SSH2: variants seen among roughly 807,000 people sequenced by gnomAD.
The protein encoded by SSH2 is slingshot protein phosphatase 2, also known as protein phosphatase Slingshot homolog 2.
In SSH2, 37 loss-of-function variants were observed where a neutral mutation model predicts 135.2. That is an observed-to-expected ratio of 0.27 (90% CI 0.21 to 0.36). The LOEUF (loss-of-function observed/expected upper bound fraction) is 0.36, where lower values mean the gene tolerates loss of function less well. SSH2 is among the 10% of genes least tolerant of loss of function. The pLI is 1.00. For missense variants in SSH2, 1,408 were observed against 1,765.3 expected, an observed-to-expected ratio of 0.80 and a Z score of 3.63; for synonymous variants, 628 against 646.2, an observed-to-expected ratio of 0.97 and a Z score of 0.43.
At position 29,630,055 on chromosome 17, in the gene SSH2, T is replaced by G. The variant is rs759877134; in HGVS notation, c.*786A>C. On this transcript the variant is annotated 3_prime_UTR_variant, in exon 16 of 16. Coordinates refer to ENST00000540801, the MANE Select transcript of SSH2 (RefSeq NM_001282129.2). The stretch of plus-strand genomic sequence containing the variant: ...GGCAGGGAGAGCCAAGATGCCCATC[T>G]GTGTGGATCCCACCAACCCAGCAGT... The G allele has an allele frequency of 6.6e-6, 1 of 152,442 alleles. No individual in the cohort carries two copies. Among genetic ancestry groups the G allele is most frequent in the Non-Finnish European group, 1.5e-5 (1 of 68,050 alleles). The allele number at this position is 152,442 out of a possible 1,614,324, so 9.4% of individuals were successfully genotyped here. A position where few individuals can be genotyped will look rare whatever the true frequency, so the allele number is the denominator to read the frequency against.
At position 29,690,401 on chromosome 17, in the gene SSH2, T is replaced by C. The variant is rs1298515955; in HGVS notation, c.357+5058A>G. On this transcript the variant is annotated intron_variant, in intron 5 of 15. Transcript: ENST00000540801. ...GCCTGGGCAAAAGAGTGAAACTCTG[T>C]CTCAAAAAAAAAAAAAAAAAGACTT... 2.8e-5 allele frequency among the ~76,000 whole-genome samples: 4 copies of C among 141,008 alleles called. No individual in the cohort carries two copies. The East Asian group carries it at 6.0e-4, about 21-fold the overall frequency. The allele number at this position is 141,008 out of a possible 152,430, so 92.5% of individuals were successfully genotyped here.
chr17:29,729,654 A>G (rs2040114660), intron 3 of SSH2, among the ~76,000 whole-genome samples: 1 of 152,242 alleles, frequency 6.6e-6, no homozygotes, highest in South Asian at 2.1e-4. Flanking sequence ...CAACAGGTGA[A>G]TGGATAAAGA....
In SSH2 at chr17:29,631,106, C is replaced by T. The variant is rs2035645525; in HGVS notation, c.4088G>A (p.Ser1363Asn). ...CACAAGGGGCCTCTCCACTGGCTTG[C>T]TCTGCACAATACACTCTGTTGTTGT... ...QLTTTECIVQ[S>N]KPVERPLVQY... Residue 1363 changes from serine to asparagine, a missense_variant, in exon 16 of 16, where the codon AGC (serine) becomes AAC (asparagine). By Grantham distance (46) the Ser-to-Asn change is conservative. Transcript: ENST00000540801. 2 of 1,614,244 alleles carry T rather than the reference C, an allele frequency of 1.2e-6. No individual in the cohort carries two copies. The highest frequency in any genetic ancestry group is 2.7e-5 in the African/African-American group (2 of 75,056).
chr17:29,879,299 A>T (rs1202033449), intron 1 of SSH2, among the ~76,000 whole-genome samples: 1 of 152,036 alleles, frequency 6.6e-6, no homozygotes, highest in African/African-American at 2.4e-5. Flanking sequence ...GAGAGGTAGA[A>T]TCAGTATTCA....
chr17:29,837,516 A>G (rs2042962151), intron 2 of SSH2, among the ~76,000 whole-genome samples: 2 of 152,124 alleles, frequency 1.3e-5, no homozygotes, highest in South Asian at 4.2e-4. Context: ...AGGAGCAGCT[A>G]TGGGAGCAGC....
At chr17:29,908,245 A>G (rs1320390271) in intron 1 of SSH2, among the ~76,000 whole-genome samples, 1 of 152,062 alleles carries the variant, frequency 6.6e-6, no homozygotes, top group Admixed American at 6.5e-5. Flanking sequence ...TGAGTCCAAG[A>G]GTTCAAGACC....
At chr17:29,894,902 C>T (rs2066416440) in intron 1 of SSH2, among the ~76,000 whole-genome samples, 1 of 149,620 alleles carries the variant, frequency 6.7e-6, no homozygotes, top group African/African-American at 2.5e-5. Flanking sequence ...TTCAGATGTG[C>T]AAATCTGATC....
chr17:29,695,560 C>T, intron 4 of SSH2, 37 bp from the exon 5 acceptor site: 2 of 1,572,300 alleles, frequency 1.3e-6, no homozygotes, highest in Middle Eastern at 1.7e-4. Flanking sequence ...AATTATTCTC[C>T]ATTCTAATGT....
intron 1 of SSH2, among the ~76,000 whole-genome samples, chr17:29,898,487 G>A (rs1013085379): frequency 3.1e-3 from 474 of 152,250 alleles, no homozygotes; most frequent in Non-Finnish European, 5.8e-3. Context: ...TACCATCAGA[G>A]AATACTATAA....
At chr17:29,807,887 GAA>G (rs1312271496) in intron 2 of SSH2, among the ~76,000 whole-genome samples, 1 of 136,174 alleles carries the variant, frequency 7.3e-6, no homozygotes, top group Non-Finnish European at 1.5e-5. Context: ...AGCCAATCGA[GAA>G]AAGTTAGGTA....
At chr17:29,712,903 TAGTTAGC>T (rs538922638) in intron 3 of SSH2, among the ~76,000 whole-genome samples, 11 of 152,210 alleles carry the variant, frequency 7.2e-5, no homozygotes, top group Admixed American at 3.9e-4. Flanking sequence ...ATCACATAGC[TAGTTAGC>T]AGTAGGGCTG....
chr17:29,669,834 C>T (rs887797849), intron 9 of SSH2, among the ~76,000 whole-genome samples: 5 of 151,596 alleles, frequency 3.3e-5, no homozygotes, highest in African/African-American at 1.2e-4. Context: ...ATCTTTCTTC[C>T]TCTCTTCTTG....
chr17:29,767,463 C>T (rs2041474035), intron 3 of SSH2, among the ~76,000 whole-genome samples: 1 of 149,728 alleles, frequency 6.7e-6, no homozygotes, highest in Admixed American at 6.7e-5. Flanking sequence ...ATGCTGAATG[C>T]TTAAATCTTT....
chr17:29,915,156 A>C (rs1030935905), intron 1 of SSH2, among the ~76,000 whole-genome samples: 11 of 152,182 alleles, frequency 7.2e-5, no homozygotes, highest in African/African-American at 2.2e-4. Flanking sequence ...GGTTGTTTCT[A>C]TTTTTTGATA....
chr17:29,789,336 A>G (rs1392187382), intron 3 of SSH2, among the ~76,000 whole-genome samples: 1 of 152,246 alleles, frequency 6.6e-6, no homozygotes, highest in African/African-American at 2.4e-5. Context: ...GACTGACCAT[A>G]TAAGGAGGGT....
At chr17:29,779,809 T>TAAAAAAAAAAAAAAA (rs1567969193) in intron 3 of SSH2, among the ~76,000 whole-genome samples, 1 of 10,764 alleles carries the variant, frequency 9.3e-5, no homozygotes, top group African/African-American at 3.7e-4. Flanking sequence ...AGACTCTGTC[T>TAAAAAAAAAAAAAAA]CAAAAAAAAA....
At chr17:29,633,987 A>G (rs1266540291) in intron 15 of SSH2, among the ~76,000 whole-genome samples, 2 of 152,194 alleles carry the variant, frequency 1.3e-5, no homozygotes, top group East Asian at 3.8e-4. Context: ...ACTTGCCATG[A>G]ATGGGAGAGA....
intron 3 of SSH2, among the ~76,000 whole-genome samples, chr17:29,741,182 T>C (rs1400748330): frequency 6.6e-6 from 1 of 152,232 alleles, no homozygotes; most frequent in African/African-American, 2.4e-5. Context: ...GAAAGAATCA[T>C]ATTTTTAAAA....
At chr17:29,652,901 C>T (rs1330768570) in intron 12 of SSH2, among the ~76,000 whole-genome samples, 1 of 152,180 alleles carries the variant, frequency 6.6e-6, no homozygotes, top group Non-Finnish European at 1.5e-5. Flanking sequence ...TGTGGTCTGC[C>T]TGCTTCGGCC....
Sources: allele counts gnomAD v4.1 joint callset (sites outside exome capture counted in the v4.1 genomes callset), GRCh38; gene constraint gnomAD v4.1.1; transcripts MANE v1.5; gene names NCBI Gene and HGNC (gene_info 2026-07-23, HGNC 2026-07-21).